Variants in CYP4A11 observed in about 807,000 individuals in gnomAD.
The protein encoded by CYP4A11 is cytochrome P450 4A11.
CYP4A11 carries 52 observed loss-of-function variants against 57.7 expected under a neutral mutation model. The observed-to-expected ratio is 0.90, with a 90% CI of 0.72 to 1.14. The LOEUF (loss-of-function observed/expected upper bound fraction) is 1.14, where lower values mean the gene tolerates loss of function less well. Ranked by LOEUF, CYP4A11 falls within the 50% of genes most tolerant of loss-of-function variation. The pLI is 0.00. For synonymous variants in CYP4A11, 228 were observed against 247.1 expected, an observed-to-expected ratio of 0.92 and a Z score of 0.72; for missense variants, 641 against 642.1, an observed-to-expected ratio of 1.00 and a Z score of 0.02.
chr1:46,935,414 C>T, intron 5 of CYP4A11, 109 bp downstream of exon 5: 2 of 1,517,790 alleles, frequency 1.3e-6, no homozygotes, highest in African/African-American at 2.8e-5. Flanking sequence ...CAGGGACTGA[C>T]TCTTCCTTTG....
At chr1:46,932,637 A>G in intron 11 of CYP4A11, 124 bp downstream of exon 11, 1 of 1,585,612 alleles carries the variant, frequency 6.3e-7, no homozygotes, top group Admixed American at 1.7e-5. Context: ...ACTTTCCCAC[A>G]AATACCAACA....
intron 3 of CYP4A11, 45 bp from the exon 4 acceptor site, chr1:46,936,836 T>C (rs1260855947): frequency 3.2e-6 from 5 of 1,568,456 alleles, no homozygotes; most frequent in East Asian, 4.6e-5. Flanking sequence ...TGTGTGTGTG[T>C]GTGTGTGTCA....
intron 4 of CYP4A11, among the ~76,000 whole-genome samples, chr1:46,936,105 C>A (rs1394546689): frequency 6.6e-6 from 1 of 152,220 alleles, no homozygotes; most frequent in African/African-American, 2.4e-5. Flanking sequence ...GACTTCAATT[C>A]TTTTCCATTC....
intron 1 of CYP4A11, chr1:46,940,837 T>C: frequency 2.0e-6 from 2 of 985,364 alleles, no homozygotes; most frequent in South Asian, 4.7e-5. Context: ...CAGATGGGTG[T>C]CTGTGCTCCC....
chr1:46,932,816 C>A lies in CYP4A11; in HGVS notation c.1309G>T (p.Ala437Ser), dbSNP rs1171226914. 5 of 1,614,048 alleles carry A rather than the reference C, an allele frequency of 3.1e-6. No homozygotes were observed. The African/African-American group carries it at 6.7e-5, about 22-fold the overall frequency. ...TGGCTGTGTTGAGCAGAACCCGGTG[C>A]AAAACGGAAAGGGTCAAACACCTGC... ...NPEVFDPFRFAPGSAQHSHAF... is the reference protein window; with the variant it reads ...NPEVFDPFRFSPGSAQHSHAF... The change falls in exon 11 of 12, where the codon GCA becomes TCA. Residue 437 changes from alanine (A) to serine (S), a missense_variant. Ala to Ser is a moderately conservative substitution (Grantham distance 99). Coordinates refer to ENST00000310638, the MANE Select transcript of CYP4A11 (RefSeq NM_000778.4).
intron 1 of CYP4A11, chr1:46,940,796 A>G: frequency 1.0e-6 from 1 of 985,418 alleles, no homozygotes; most frequent in Non-Finnish European, 1.2e-6. Context: ...TATTCTTCAC[A>G]GACCATAAAC....
chr1:46,932,948 G>GATC (rs769280164), intron 10 of CYP4A11, 35 bp downstream of exon 10: 1 of 1,614,102 alleles, frequency 6.2e-7, no homozygotes, highest in South Asian at 1.1e-5. Context: ...GGTCTTGAGG[G>GATC]ATCACCTCAT....
intron 11 of CYP4A11, 56 bp downstream of exon 11, chr1:46,932,705 G>A: frequency 6.2e-7 from 1 of 1,614,026 alleles, no homozygotes; most frequent in South Asian, 1.1e-5. Context: ...AGATCAGAGG[G>A]TTGACCAGAG....
At chr1:46,932,096 AT>A (rs1332988622) in intron 11 of CYP4A11, 2 of 981,776 alleles carry the variant, frequency 2.0e-6, no homozygotes, top group African/African-American at 3.5e-5. Flanking sequence ...CATGTACAGA[AT>A]TTGTCAAACG....
At position 46,932,788 on chromosome 1, in the gene CYP4A11, G is replaced by A; in HGVS notation, c.1337C>T (p.Ala446Val). 1.2e-6 allele frequency: 2 copies of A among 1,614,226 alleles called. No individual in the cohort carries two copies. The highest frequency in any genetic ancestry group is 1.7e-6 in the Non-Finnish European group (2 of 1,180,054). ...FAPGSAQHSHAFLPFSGGSRN... is the reference protein window; with the variant it reads ...FAPGSAQHSHVFLPFSGGSRN... ...TGATCCTCCTGAGAAGGGCAGGAAA[G>A]CGTGGCTGTGTTGAGCAGAACCCGG... Residue 446 changes from alanine (A) to valine (V), a missense_variant, in exon 11 of 12, where the codon GCT becomes GTT. Transcript: ENST00000310638.
chr1:46,936,587 A>T, intron 4 of CYP4A11, 77 bp downstream of exon 4: 2 of 1,493,316 alleles, frequency 1.3e-6, no homozygotes, highest in Non-Finnish European at 1.8e-6. Flanking sequence ...TGCCTGTGGG[A>T]CACAGGGTTG....
Position 46,930,314 on chromosome 1 carries a change from G to C in CYP4A11, c.1365-4C>G. On this transcript the variant is annotated splice_polypyrimidine_tract_variant and splice_region_variant and intron_variant, in intron 11 of 11. Transcript: ENST00000310638. ...AAATTGTTTCCCGATGCAGTTCCTG[G>C]GCCAGGTGGAGATAATGAATTGAGA... 2 of 1,609,562 alleles carry C rather than the reference G, an allele frequency of 1.2e-6. No homozygotes were observed. The highest frequency in any genetic ancestry group is 2.2e-5 in the East Asian group (1 of 44,796).
In CYP4A11 at chr1:46,938,038, G is replaced by C; in HGVS notation, c.295C>G (p.Leu99Val). 6.2e-7 allele frequency: 1 copy of C among 1,614,184 alleles called. No homozygotes were observed. The highest frequency in any genetic ancestry group is 8.5e-7 in the Non-Finnish European group (1 of 1,180,036). The change falls in exon 2 of 12, where the codon CTC (leucine) becomes GTC (valine). Residue 99 changes from leucine (L) to valine (V), a missense_variant. Transcript: ENST00000310638. Reference protein sequence around the residue: ...WLWGGKVRVQLYDPDYMKVIL... With the variant: ...WLWGGKVRVQVYDPDYMKVIL... ...ACCTTCATATAGTCAGGGTCATAGA[G>C]CTGGACACGAACTTTGCCTCCCCAT...
In CYP4A11 at chr1:46,932,608, C is replaced by T. The variant is rs550331750; in HGVS notation, c.1364+153G>A. ...GCCACCTTCCTTTTGTACACAGAGA[C>T]GCCCACACCAGGTGCCTGACTTTCC... On this transcript the variant is annotated intron_variant, in intron 11 of 11. Coordinates refer to ENST00000310638, the MANE Select transcript of CYP4A11 (RefSeq NM_000778.4). 276 of 1,545,874 alleles carry T rather than the reference C, an allele frequency of 1.8e-4. 2 individuals carry two copies. In the East Asian group the frequency reaches 1.9e-3, roughly 11 times the overall value.
intron 1 of CYP4A11, among the ~76,000 whole-genome samples, chr1:46,939,254 C>A (rs933106618): frequency 6.6e-6 from 1 of 152,240 alleles, no homozygotes; most frequent in African/African-American, 2.4e-5. Flanking sequence ...GCTTGCCCTA[C>A]TGTGGGGTAG....
chr1:46,930,459 C>T (rs1318085869), intron 11 of CYP4A11, 149 bp from the exon 12 acceptor site: 2 of 906,776 alleles, frequency 2.2e-6, no homozygotes, highest in African/African-American at 3.3e-5. Flanking sequence ...CCCATGGACA[C>T]TTCTACCCCG....
At chr1:46,935,210 T>C in intron 5 of CYP4A11, 56 bp from the exon 6 acceptor site, 1 of 1,573,538 alleles carries the variant, frequency 6.4e-7, no homozygotes, top group Admixed American at 1.8e-5. Flanking sequence ...TACCCGGAAG[T>C]AGAATGGGGT....
chr1:46,929,991 G>A lies in CYP4A11; in HGVS notation c.*124C>T. The A allele has an allele frequency of 2.4e-6, 3 of 1,262,904 alleles. No individual in the cohort carries two copies. The highest frequency in any genetic ancestry group is 3.2e-6 in the Non-Finnish European group (3 of 926,276). The allele number at this position is 1,262,904 out of a possible 1,614,324, so 78.2% of individuals were successfully genotyped here. On this transcript the variant is annotated 3_prime_UTR_variant, in exon 12 of 12. Transcript: ENST00000310638. ...GAGAAAGGTGAGAGAGAGAAGGGCA[G>A]GCAGACTGGGGGACAGCAGGCAGGT...
chr1:46,930,715 C>T (rs1680969043), intron 11 of CYP4A11, among the ~76,000 whole-genome samples: 2 of 152,300 alleles, frequency 1.3e-5, no homozygotes, highest in Non-Finnish European at 2.9e-5. Flanking sequence ...TGAGGGTGGG[C>T]CACACTCTCA....
Sources: allele counts gnomAD v4.1 joint callset (sites outside exome capture counted in the v4.1 genomes callset), GRCh38; gene constraint gnomAD v4.1.1; transcripts MANE v1.5; gene names NCBI Gene and HGNC (gene_info 2026-07-23, HGNC 2026-07-21).